DIMT1: variants seen among roughly 807,000 people sequenced by gnomAD.
DIMT1 encodes DIM1 rRNA methyltransferase and ribosome maturation factor.
In DIMT1, 36 loss-of-function variants were observed where a neutral mutation model predicts 43.2. That is an observed-to-expected ratio of 0.83 (90% CI 0.64 to 1.10). The LOEUF (loss-of-function observed/expected upper bound fraction) is 1.10, where lower values mean the gene tolerates loss of function less well. Ranked by LOEUF, DIMT1 falls within the 50% of genes least tolerant of loss-of-function variation. The pLI, the probability that DIMT1 is intolerant of heterozygous loss-of-function variation, is 0.00. For missense variants in DIMT1, 341 were observed against 385.3 expected (o/e 0.88, Z 0.96); for synonymous variants, 126 against 130.3 (o/e 0.97, Z 0.22).
intron 7 of DIMT1, 129 bp downstream of exon 7, chr5:62,394,355 C>A: frequency 1.0e-6 from 1 of 994,680 alleles, no homozygotes; most frequent in Non-Finnish European, 1.5e-6. Context: ...CTAGTCCCAG[C>A]TACTCGGGAC....
intron 11 of DIMT1, 96 bp from the exon 12 acceptor site, chr5:62,389,148 C>T: frequency 1.8e-6 from 2 of 1,101,644 alleles, no homozygotes; most frequent in Non-Finnish European, 2.6e-6. Context: ...AACATGAATA[C>T]AGCATGCTTA....
rs1177727245 is a variant in DIMT1, at chr5:62,392,941, A to G, written c.713T>C (p.Leu238Pro). The change falls in exon 9 of 12, where the codon CTC becomes CCC. Residue 238 changes from leucine (L) to proline (P), a missense_variant. Coordinates refer to ENST00000199320, the MANE Select transcript of DIMT1 (RefSeq NM_014473.4). ...RITFVRKNKT[L>P]SAAFKSSAVQ... ...TAATACTTACTTAAATGCAGCAGAG[A>G]GTGTCTTGTTTTTCCTAACAAAGGT... is the stretch of plus-strand genomic sequence containing the variant. 6 of 1,608,456 alleles carry G rather than the reference A, an allele frequency of 3.7e-6. No individual in the cohort carries two copies. The highest frequency in any genetic ancestry group is 5.1e-6 in the Non-Finnish European group (6 of 1,175,160).
intron 6 of DIMT1, among the ~76,000 whole-genome samples, chr5:62,396,973 C>T (rs1026181442): frequency 6.6e-6 from 1 of 152,022 alleles, no homozygotes; most frequent in African/African-American, 2.4e-5. Context: ...TTGACAATCT[C>T]GCTCTGTTGC....
chr5:62,396,627 T>A (rs1486706774), intron 6 of DIMT1, among the ~76,000 whole-genome samples: 1 of 152,184 alleles, frequency 6.6e-6, no homozygotes, highest in African/African-American at 2.4e-5. Context: ...AGAAGTATTA[T>A]GGTGGAGGAA....
chr5:62,401,954 G>T, intron 3 of DIMT1, 82 bp downstream of exon 3: 1 of 1,348,602 alleles, frequency 7.4e-7, no homozygotes, highest in Non-Finnish European at 1.0e-6. Flanking sequence ...ATAGCAATTA[G>T]TTAAAACATA....
intron 7 of DIMT1, 114 bp from the exon 8 acceptor site, chr5:62,394,161 A>C: frequency 2.0e-6 from 2 of 999,328 alleles, no homozygotes; most frequent in Non-Finnish European, 3.0e-6. Flanking sequence ...ATTAAGCTAG[A>C]TTATTTCAAT....
At chr5:62,395,714 T>TA (rs746889248) in intron 6 of DIMT1, among the ~76,000 whole-genome samples, 17 of 152,056 alleles carry the variant, frequency 1.1e-4, no homozygotes, top group Non-Finnish European at 2.1e-4. Flanking sequence ...AATTAAAAGA[T>TA]AAAATAAGGC....
Position 62,392,170 on chromosome 5 carries a change from C to A in DIMT1, c.792+1G>T, listed in dbSNP as rs142197144. The A allele has an allele frequency of 1.0e-4, 168 of 1,612,124 alleles. No individual in the cohort carries two copies. The highest frequency in any genetic ancestry group is 1.3e-4 in the Non-Finnish European group (155 of 1,179,236). ...AACTGCAGGAACATTTTCTAACTTA[C>A]AATATTATGGACTGAACAGTGAATT... On this transcript the variant is annotated splice_donor_variant, in intron 10 of 11. Coordinates refer to ENST00000199320, the MANE Select transcript of DIMT1 (RefSeq NM_014473.4). LOFTEE classifies it high-confidence loss of function.
intron 6 of DIMT1, among the ~76,000 whole-genome samples, chr5:62,396,231 G>A (rs796446467): frequency 8.5e-4 from 124 of 146,336 alleles, no homozygotes; most frequent in African/African-American, 3.0e-3. Flanking sequence ...GAAGGGCTGG[G>A]CACCATGGTT....
In DIMT1 at chr5:62,392,210, C is replaced by T; in HGVS notation, c.753G>A (p.Leu251=). 1 of 1,613,358 alleles carries T rather than the reference C, an allele frequency of 6.2e-7. No individual in the cohort carries two copies. Among genetic ancestry groups the T allele is most frequent in the South Asian group, 1.1e-5 (1 of 90,982 alleles). The change falls in exon 10 of 12, where the codon TTG becomes TTA. Residue 251 remains leucine (L), a synonymous_variant. Transcript: ENST00000199320. ...AACAGTGAATTCTGTAGTTTTTTTCCAAGAGTTGTTGCACTGCACTTGATC... is the reference window on the plus strand; with the variant it reads ...AACAGTGAATTCTGTAGTTTTTTTCTAAGAGTTGTTGCACTGCACTTGATC... ...AFKSSAVQQL[L]EKNYRIHCSV...
At chr5:62,401,861 G>A (rs145470460) in intron 3 of DIMT1, among the ~76,000 whole-genome samples, 175 bp downstream of exon 3, 9,326 of 152,038 alleles carry the variant, frequency 0.061, 302 homozygotes, top group Admixed American at 0.083. Context: ...GATTACAGGC[G>A]TGAGCCACCG....
intron 2 of DIMT1, 130 bp downstream of exon 2, chr5:62,403,143 A>G (rs1176675385): frequency 1.2e-6 from 1 of 805,936 alleles, no homozygotes; most frequent in Non-Finnish European, 2.0e-6. Context: ...ATCCTAGACA[A>G]TTATTTGATT....
Position 62,387,742 on chromosome 5 carries a change from C to CA in DIMT1, c.*1267dup, listed in dbSNP as rs1742104738. 1 of 143,400 alleles carries CA rather than the reference C, an allele frequency of 7.0e-6. No homozygotes were observed. Among genetic ancestry groups the CA allele is most frequent in the South Asian group, 2.2e-4 (1 of 4,622 alleles). The allele number at this position is 143,400 out of a possible 1,614,324, so 8.9% of individuals were successfully genotyped here. On this transcript the variant is annotated 3_prime_UTR_variant, in exon 12 of 12. Transcript: ENST00000199320. ...TGCAAAATAGTTTTGTGAAATTAAA[C>CA]AAAAAAATCTACTCTTAATGTATAT...
At chr5:62,400,239 T>C (rs1326844334) in intron 3 of DIMT1, among the ~76,000 whole-genome samples, 1 of 152,178 alleles carries the variant, frequency 6.6e-6, no homozygotes, top group Non-Finnish European at 1.5e-5. Flanking sequence ...ACTGACTTTA[T>C]TTTTATTAAA....
chr5:62,394,084 G>A (rs1027538666), intron 7 of DIMT1, 37 bp from the exon 8 acceptor site: 2 of 1,595,986 alleles, frequency 1.3e-6, no homozygotes, highest in African/African-American at 1.3e-5. Context: ...TACTCACAAA[G>A]GCAACTTTTA....
intron 6 of DIMT1, among the ~76,000 whole-genome samples, chr5:62,397,741 C>T (rs1468257021): frequency 1.3e-5 from 2 of 152,024 alleles, no homozygotes; most frequent in African/African-American, 4.8e-5. Flanking sequence ...CTCCGCCTCC[C>T]GGGTTCACGC....
At chr5:62,399,926 C>T (rs1241741990) in intron 3 of DIMT1, among the ~76,000 whole-genome samples, 4 of 152,132 alleles carry the variant, frequency 2.6e-5, no homozygotes, top group Middle Eastern at 3.4e-3. Flanking sequence ...AACAAACAAA[C>T]AAACACCACC....
intron 11 of DIMT1, 24 bp from the exon 12 acceptor site, chr5:62,389,076 AT>A (rs1168182402): frequency 6.2e-7 from 1 of 1,605,878 alleles, no homozygotes; most frequent in Non-Finnish European, 8.5e-7. Flanking sequence ...TCAAAATGGA[AT>A]GGTACTGAAA....
intron 3 of DIMT1, among the ~76,000 whole-genome samples, chr5:62,399,477 C>CAAAAACAA (rs1214521065): frequency 1.3e-5 from 2 of 150,598 alleles, no homozygotes; most frequent in Non-Finnish European, 3.0e-5. Flanking sequence ...AAAACAAAAA[C>CAAAAACAA]AAAAACAACA....
Sources: allele counts gnomAD v4.1 joint callset (sites outside exome capture counted in the v4.1 genomes callset), GRCh38; gene constraint gnomAD v4.1.1; transcripts MANE v1.5; gene names NCBI Gene and HGNC (gene_info 2026-07-23, HGNC 2026-07-21).